PALS2: variants seen among roughly 807,000 people sequenced by gnomAD.
PALS2 encodes the protein protein associated with LIN7 2, MAGUK p55 family member, also known as protein PALS2.
A neutral mutation model predicts 61.6 loss-of-function variants in PALS2; 27 were observed. The observed-to-expected ratio is 0.44, with a 90% CI of 0.32 to 0.60. The LOEUF (loss-of-function observed/expected upper bound fraction) is 0.60, where lower values mean the gene tolerates loss of function less well. PALS2 is among the 20% of genes least tolerant of loss of function. PALS2 has a pLI of 0.05. For synonymous variants in PALS2, 236 were observed against 218.6 expected (o/e 1.08, Z -0.70); for missense variants, 554 against 639.4 (o/e 0.87, Z 1.44).
In PALS2 at chr7:24,630,457, C is replaced by T. The variant is rs113822361; in HGVS notation, c.117+6673C>T. ...ATGTAACAAACATGCACGTTCTGTACATTATCCCAGAACTTAAAGTATAAT... is the reference window on the plus strand; with the variant it reads ...ATGTAACAAACATGCACGTTCTGTATATTATCCCAGAACTTAAAGTATAAT... On this transcript the variant is annotated intron_variant, in intron 2 of 11. Transcript: ENST00000222644. Among the ~76,000 whole-genome samples, 1,132 of 152,174 alleles carry T rather than the reference C, an allele frequency of 7.4e-3. 8 individuals carry two copies. Among genetic ancestry groups the T allele is most frequent in the African/African-American group, 0.025 (1,054 of 41,504 alleles).
At chr7:24,577,388 C>T (rs1474191543) in intron 1 of PALS2, among the ~76,000 whole-genome samples, 1 of 151,446 alleles carries the variant, frequency 6.6e-6, no homozygotes, top group South Asian at 2.1e-4. Flanking sequence ...TTTCTAAAAG[C>T]CTATCTGTCA....
intron 1 of PALS2, chr7:24,589,293 T>G (rs565314822): frequency 5.3e-5 from 8 of 152,184 alleles, no homozygotes; most frequent in Non-Finnish European, 1.2e-4. Flanking sequence ...TCTCATTAGT[T>G]TGCTAAGTGA....
chr7:24,665,880 G>T, intron 7 of PALS2, 141 bp from the exon 8 acceptor site: 2 of 953,514 alleles, frequency 2.1e-6, no homozygotes, highest in Non-Finnish European at 3.1e-6. Flanking sequence ...AAATTCAGTG[G>T]CTTAACTCAC....
intron 2 of PALS2, among the ~76,000 whole-genome samples, chr7:24,627,801 C>A (rs2128060386): frequency 6.6e-6 from 1 of 152,234 alleles, no homozygotes; most frequent in African/African-American, 2.4e-5. Flanking sequence ...ACACATAACA[C>A]CCTCCCAAGA....
At chr7:24,582,332 A>G (rs1184417272) in intron 1 of PALS2, among the ~76,000 whole-genome samples, 1 of 152,212 alleles carries the variant, frequency 6.6e-6, no homozygotes, top group Non-Finnish European at 1.5e-5. Context: ...TGGGAATACT[A>G]ATTCTAGTCG....
At chr7:24,681,379 A>G (rs902796419) in intron 11 of PALS2, among the ~76,000 whole-genome samples, 10 of 152,170 alleles carry the variant, frequency 6.6e-5, no homozygotes, top group Admixed American at 2.0e-4. Context: ...TTTTGAAGCA[A>G]ATCTTTGATA....
At position 24,668,564 on chromosome 7, in the gene PALS2, A is replaced by T. The variant is rs150328717; in HGVS notation, c.1018A>T (p.Thr340Ser). 5.8e-5 allele frequency: 93 copies of T among 1,613,756 alleles called. No homozygotes were observed. In the African/African-American group the frequency reaches 1.1e-3, roughly 20 times the overall value. ...VAKMPPFQRK[T>S]LVLIGAQGVG... is the part of the protein sequence containing the mutation. ...CAAAATGCCTCCCTTCCAGAGAAAAACATTAGTATTGATAGGAGCTCAAGG... is the reference window on the plus strand; with the variant it reads ...CAAAATGCCTCCCTTCCAGAGAAAATCATTAGTATTGATAGGAGCTCAAGG... The change falls in exon 9 of 12, where the codon ACA (threonine) becomes TCA (serine). Residue 340 changes from threonine to serine, a missense_variant. Transcript: ENST00000222644.
intron 3 of PALS2, among the ~76,000 whole-genome samples, chr7:24,646,112 T>C (rs1467874768): frequency 1.3e-5 from 2 of 152,152 alleles, no homozygotes; most frequent in Admixed American, 1.3e-4. Context: ...AAATAGTTTG[T>C]CTTCCTCTCA....
intron 2 of PALS2, among the ~76,000 whole-genome samples, chr7:24,632,550 C>T (rs910701268): frequency 1.3e-5 from 2 of 152,048 alleles, no homozygotes. Context: ...CAGGCACGCC[C>T]AGCTTATTTT....
rs1228910484 is a variant in PALS2, at chr7:24,690,179, G to A, written c.*2565G>A. On this transcript the variant is annotated 3_prime_UTR_variant, in exon 12 of 12. Transcript: ENST00000222644. Reference sequence around the variant, plus strand: ...TACTAACAAGAATACAGTTAGATAAGTTCATTGTATCTCAATGAAGAATCA... The same window carrying A: ...TACTAACAAGAATACAGTTAGATAAATTCATTGTATCTCAATGAAGAATCA... 1 of 152,168 alleles carries A rather than the reference G, an allele frequency of 6.6e-6. No individual in the cohort carries two copies. The highest frequency in any genetic ancestry group is 1.5e-5 in the Non-Finnish European group (1 of 68,022). The allele number at this position is 152,168 out of a possible 1,614,324, so 9.4% of individuals were successfully genotyped here.
chr7:24,599,555 A>C (rs1343489643), intron 1 of PALS2, among the ~76,000 whole-genome samples: 1 of 122,662 alleles, frequency 8.2e-6, no homozygotes, highest in African/African-American at 3.3e-5. Context: ...CCCAGGCTGG[A>C]GTGGAGTGGT....
chr7:24,584,892 G>A (rs1214191715), intron 1 of PALS2, among the ~76,000 whole-genome samples: 6 of 151,898 alleles, frequency 4.0e-5, no homozygotes, highest in African/African-American at 1.5e-4. Context: ...GCTAGCCAGT[G>A]GTCCCAGCAC....
intron 4 of PALS2, among the ~76,000 whole-genome samples, 167 bp downstream of exon 4, chr7:24,649,931 C>T (rs1339488871): frequency 6.6e-6 from 1 of 151,990 alleles, no homozygotes. Context: ...CTTGGTTTAG[C>T]CTGCAAAATT....
chr7:24,655,134 C>T (rs1786348484), intron 5 of PALS2, among the ~76,000 whole-genome samples: 1 of 152,118 alleles, frequency 6.6e-6, no homozygotes, highest in African/African-American at 2.4e-5. Flanking sequence ...TTGCTGGTGG[C>T]AGTGTGTATT....
intron 3 of PALS2, among the ~76,000 whole-genome samples, chr7:24,644,253 T>C (rs1051973433): frequency 2.0e-5 from 3 of 151,948 alleles, no homozygotes; most frequent in Non-Finnish European, 2.9e-5. Flanking sequence ...TTCTCTCCCT[T>C]CTCTCACCCT....
intron 2 of PALS2, among the ~76,000 whole-genome samples, chr7:24,631,699 G>T (rs1191419700): frequency 6.6e-6 from 1 of 152,142 alleles, no homozygotes; most frequent in Non-Finnish European, 1.5e-5. Flanking sequence ...TTAAGAAATT[G>T]CCACAGCCAC....
chr7:24,679,565 T>C (rs1330128285), intron 10 of PALS2, among the ~76,000 whole-genome samples: 1 of 152,184 alleles, frequency 6.6e-6, no homozygotes, highest in Admixed American at 6.5e-5. Flanking sequence ...TGTGATTAGA[T>C]CTACAATAGA....
At chr7:24,599,505 CTTTTTTTTTTT>C (rs1159029178) in intron 1 of PALS2, among the ~76,000 whole-genome samples, 6 of 116,612 alleles carry the variant, frequency 5.1e-5, no homozygotes, top group African/African-American at 2.1e-4. Context: ...CTTCTATAAG[CTTTTTTTTTTT>C]TTTTTTTTTA....
At chr7:24,581,818 G>A (rs1271201263) in intron 1 of PALS2, among the ~76,000 whole-genome samples, 2 of 152,152 alleles carry the variant, frequency 1.3e-5, no homozygotes, top group Non-Finnish European at 2.9e-5. Flanking sequence ...CCTCTATTAC[G>A]AGTAAAAGCC....
Sources: gnomAD v4.1 joint callset for allele counts (sites outside exome capture counted in the v4.1 genomes callset) on GRCh38, gnomAD v4.1.1 for gene constraint, MANE v1.5 for transcripts, NCBI Gene and HGNC (gene_info 2026-07-23, HGNC 2026-07-21) for gene names.